SCN8A: variants seen among roughly 807,000 people sequenced by gnomAD.
SCN8A encodes sodium voltage-gated channel alpha subunit 8.
SCN8A carries 30 observed loss-of-function variants against 184.1 expected under a neutral mutation model. The ratio of observed to expected loss-of-function variants is 0.16; its 90% CI spans 0.12 to 0.22. The LOEUF (loss-of-function observed/expected upper bound fraction) is 0.22, where lower values mean the gene tolerates loss of function less well. Ranked by LOEUF, SCN8A falls within the 10% of genes least tolerant of loss-of-function variation. SCN8A has a pLI of 1.00. For missense variants in SCN8A, 1,057 were observed against 2,498.9 expected, an observed-to-expected ratio of 0.42 and a Z score of 12.30; for synonymous variants, 852 against 907.0, an observed-to-expected ratio of 0.94 and a Z score of 1.09.
chr12:51,806,872 G>A lies in SCN8A; in HGVS notation c.5386G>A (p.Asp1796Asn). ...CTTCTATGAGATCTGGGAGAAGTTC[G>A]ACCCCGATGCCACCCAGTTCATTGA... The part of the protein sequence containing the change: ...ETFYEIWEKF[D>N]PDATQFIEYC... Residue 1796 changes from aspartate (D) to asparagine (N), a missense_variant, in exon 27 of 27, where the codon GAC becomes AAC. By Grantham distance (23) the Asp-to-Asn change is conservative. Coordinates refer to ENST00000627620, the MANE Select transcript of SCN8A (RefSeq NM_001330260.2). This position sits in a 1 kb window ranked among gnomAD's most constrained non-coding sequence, Gnocchi z 8.7. 6.2e-7 allele frequency: 1 copy of A among 1,613,716 alleles called. No individual in the cohort carries two copies. Among genetic ancestry groups the A allele is most frequent in the Non-Finnish European group, 8.5e-7 (1 of 1,179,652 alleles).
intron 20 of SCN8A, 84 bp from the exon 21 acceptor site, chr12:51,780,565 C>CTTTTCTTTTTTTTTTTTTTT (rs1937873541): frequency 6.8e-6 from 2 of 293,008 alleles, no homozygotes; most frequent in African/African-American, 2.7e-4. Context: ...TGTTTTCTTT[C>CTTTTCTTTTTTTTTTTTTTT]TTTTTTTTTT....
rs540489800 is a variant in SCN8A, at chr12:51,645,232, C to T, written c.-54-17532C>T. Among the ~76,000 whole-genome samples, 96 of 149,234 alleles carry T rather than the reference C, an allele frequency of 6.4e-4. 1 individual carries two copies. The highest frequency in any genetic ancestry group is 2.2e-3 in the African/African-American group (88 of 40,334). ...GGGGTCAGCCCCCCGCCCGGCCAGC[C>T]GCCCCATCCGGGAAGTGAGGGGCGC... is the stretch of plus-strand genomic sequence containing the variant. On this transcript the variant is annotated intron_variant, in intron 1 of 26. Transcript: ENST00000627620.
chr12:51,754,325 T>TC (rs1027091061), intron 14 of SCN8A, among the ~76,000 whole-genome samples: 2 of 15,032 alleles, frequency 1.3e-4, no homozygotes, highest in African/African-American at 1.7e-4. Context: ...AAAAACTTCT[T>TC]TTTTTTTTTT....
intron 1 of SCN8A, among the ~76,000 whole-genome samples, chr12:51,592,446 C>T (rs1432503899): frequency 3.3e-5 from 5 of 152,100 alleles, no homozygotes; most frequent in African/African-American, 9.7e-5. Flanking sequence ...CCGACTACTC[C>T]ACCCTATGCC....
intron 12 of SCN8A, among the ~76,000 whole-genome samples, chr12:51,724,631 A>G (rs1942127731): frequency 6.6e-6 from 1 of 152,220 alleles, no homozygotes; most frequent in African/African-American, 2.4e-5. Flanking sequence ...ACAAGAGATA[A>G]TATCAATGGC....
rs569363044 is a variant in SCN8A at position 51,770,791 on chromosome 12, T to C, written c.3645+108T>C. 3.4e-6 allele frequency: 4 copies of C among 1,170,922 alleles called. No homozygotes were observed. In the Admixed American group the frequency reaches 8.4e-5, roughly 25 times the overall value. 72.5% of individuals were successfully genotyped at this position (1,170,922 alleles called of 1,614,324 possible). ...CCAGTGGCTCTGAAAACAGATTGGC[T>C]GTGGTCCCAAGAAGAATGATCTGTT... On this transcript the variant is annotated intron_variant, in intron 19 of 26. Transcript: ENST00000627620.
intron 11 of SCN8A, chr12:51,713,141 C>A: frequency 8.3e-7 from 1 of 1,208,896 alleles, no homozygotes; most frequent in Non-Finnish European, 1.2e-6. Flanking sequence ...TGCATAACTT[C>A]TATGGTTTCA....
intron 21 of SCN8A, among the ~76,000 whole-genome samples, chr12:51,783,771 T>C (rs1334423548): frequency 1.3e-5 from 2 of 152,214 alleles, no homozygotes; most frequent in East Asian, 1.9e-4. Context: ...AGCTGACAGA[T>C]TTTATAGTAT....
intron 7 of SCN8A, 97 bp downstream of exon 7, chr12:51,699,888 C>T (rs955846919): frequency 6.2e-5 from 65 of 1,047,160 alleles, no homozygotes; most frequent in Admixed American, 1.8e-4. Context: ...AGTTGGAGGC[C>T]GGGCGCGGTG....
At chr12:51,786,944 C>A in intron 22 of SCN8A, 118 bp downstream of exon 22, 1 of 1,013,670 alleles carries the variant, frequency 9.9e-7, no homozygotes, top group African/African-American at 1.6e-5. Context: ...TCAATAAGTC[C>A]AAGAAAACAG....
chr12:51,729,228 G>A (rs1942202928), intron 12 of SCN8A, among the ~76,000 whole-genome samples: 1 of 152,148 alleles, frequency 6.6e-6, no homozygotes, highest in African/African-American at 2.4e-5. Context: ...AACCAAAGTT[G>A]TGGGTAAAAA....
intron 1 of SCN8A, among the ~76,000 whole-genome samples, chr12:51,648,349 T>C (rs1940637139): frequency 6.6e-6 from 1 of 152,184 alleles, no homozygotes; most frequent in Non-Finnish European, 1.5e-5. Flanking sequence ...ACTATAGGCA[T>C]GCCACCACCC....
intron 15 of SCN8A, among the ~76,000 whole-genome samples, chr12:51,764,790 T>TC (rs1942813126): frequency 6.6e-6 from 1 of 151,472 alleles, no homozygotes; most frequent in Non-Finnish European, 1.5e-5. Context: ...TTTTTTTTTT[T>TC]CTTAGACATA....
At chr12:51,751,228 G>A in intron 13 of SCN8A, 127 bp from the exon 14 acceptor site, 1 of 674,332 alleles carries the variant, frequency 1.5e-6, no homozygotes, top group Admixed American at 2.7e-5. Context: ...AAACACTTAG[G>A]AATGTCAGCG....
intron 26 of SCN8A, among the ~76,000 whole-genome samples, chr12:51,803,585 T>A (rs1938614276): frequency 6.6e-6 from 1 of 152,078 alleles, no homozygotes; most frequent in Admixed American, 6.6e-5. Flanking sequence ...TCTGCCCCAT[T>A]TCTCCCTTTT....
chr12:51,769,445 C>T (rs1259792904), intron 17 of SCN8A, 110 bp downstream of exon 17: 1 of 729,306 alleles, frequency 1.4e-6, no homozygotes, highest in Non-Finnish European at 2.2e-6. Flanking sequence ...TCTGGAATAA[C>T]CAATTTACTT....
chr12:51,766,392 T>C (rs1942838766), intron 16 of SCN8A: 1 of 323,008 alleles, frequency 3.1e-6, no homozygotes, highest in African/African-American at 2.2e-5. Context: ...TTCTCATCTG[T>C]GGTGCTATTG....
chr12:51,757,901 C>T (rs1942701343), intron 14 of SCN8A, among the ~76,000 whole-genome samples: 1 of 152,192 alleles, frequency 6.6e-6, no homozygotes, highest in Non-Finnish European at 1.5e-5. Flanking sequence ...GAGATCAGGA[C>T]TCCTTTATAC....
chr12:51,690,544 G>C (rs182107248), intron 6 of SCN8A, among the ~76,000 whole-genome samples: 1 of 152,112 alleles, frequency 6.6e-6, no homozygotes, highest in East Asian at 1.9e-4. Flanking sequence ...TTTTTTTGTA[G>C]AGACAGGGTC....
Sources: allele counts gnomAD v4.1 joint callset (sites outside exome capture counted in the v4.1 genomes callset), GRCh38; gene constraint gnomAD v4.1.1; non-coding constraint Gnocchi (gnomAD v3.1); transcripts MANE v1.5; gene names NCBI Gene and HGNC (gene_info 2026-07-23, HGNC 2026-07-21).